SUCLA2: variants seen among roughly 807,000 people sequenced by gnomAD.
SUCLA2 encodes succinate-CoA ligase ADP-forming subunit beta.
A neutral mutation model predicts 54.8 loss-of-function variants in SUCLA2; 30 were observed. That is an observed-to-expected ratio of 0.55 (90% CI 0.41 to 0.74). The LOEUF (loss-of-function observed/expected upper bound fraction) is 0.74. SUCLA2 is among the 30% of genes least tolerant of loss of function. The pLI, the probability that SUCLA2 is intolerant of heterozygous loss-of-function variation, is 0.00. For missense variants in SUCLA2, 476 were observed against 562.9 expected (o/e 0.85, Z 1.56); for synonymous variants, 172 against 188.9 (o/e 0.91, Z 0.74).
At chr13:47,997,617 T>A (rs947889992) in intron 1 of SUCLA2, among the ~76,000 whole-genome samples, 9 of 152,208 alleles carry the variant, frequency 5.9e-5, no homozygotes, top group Admixed American at 1.3e-4. Flanking sequence ...GTCCTCTTAC[T>A]GGAGCCTACT....
chr13:47,965,560 T>A (rs1593486795), intron 6 of SUCLA2: 1 of 382,872 alleles, frequency 2.6e-6, no homozygotes, highest in Non-Finnish European at 4.5e-6. Flanking sequence ...AAAAATAAGG[T>A]CAAGAAATAA....
intron 4 of SUCLA2, among the ~76,000 whole-genome samples, chr13:47,985,850 G>A (rs1021138083): frequency 3.9e-5 from 6 of 151,966 alleles, no homozygotes; most frequent in Non-Finnish European, 8.8e-5. Flanking sequence ...TTACACTCCC[G>A]TCAACACTGT....
intron 9 of SUCLA2, 37 bp downstream of exon 9, chr13:47,949,446 G>T (rs1949759563): frequency 6.2e-7 from 1 of 1,611,718 alleles, no homozygotes. Context: ...AACTTTTAAA[G>T]AATTAGGAAC....
intron 6 of SUCLA2, among the ~76,000 whole-genome samples, chr13:47,958,014 T>A (rs755733820): frequency 2.0e-5 from 3 of 152,100 alleles, no homozygotes; most frequent in Non-Finnish European, 2.9e-5. Context: ...TTGGTCCCAG[T>A]GTTGTTTGGA....
At chr13:47,945,379 C>G (rs1034253483) in intron 10 of SUCLA2, among the ~76,000 whole-genome samples, 4 of 136,066 alleles carry the variant, frequency 2.9e-5, no homozygotes, top group Non-Finnish European at 6.1e-5. Flanking sequence ...GCTGAGATCA[C>G]GCCACTGTAC....
intron 2 of SUCLA2, among the ~76,000 whole-genome samples, chr13:47,989,235 G>GA (rs1475651769): frequency 7.3e-6 from 1 of 136,934 alleles, no homozygotes; most frequent in East Asian, 2.1e-4. Context: ...TTTTGAAACA[G>GA]AGTCTCGCTC....
chr13:47,982,105 C>T (rs1593496575), intron 4 of SUCLA2, among the ~76,000 whole-genome samples: 1 of 152,128 alleles, frequency 6.6e-6, no homozygotes, highest in South Asian at 2.1e-4. Flanking sequence ...AGGTATACAT[C>T]CAAAAGAAAT....
At position 47,954,456 on chromosome 13, in the gene SUCLA2, T is replaced by G. The variant is rs763345347; in HGVS notation, c.904A>C (p.Lys302Gln). 6.2e-7 allele frequency: 1 copy of G among 1,614,054 alleles called. No individual in the cohort carries two copies. Among genetic ancestry groups the G allele is most frequent in the Non-Finnish European group, 8.5e-7 (1 of 1,179,916 alleles). ...QDWTQEDERD[K>Q]DAAKANLNYI... ...TTGAGATTTGCCTTAGCAGCATCTT[T>G]GTCCCTTTCATCTTCCTGGGTCCAG... The change falls in exon 7 of 11, where the codon AAA (lysine) becomes CAA (glutamine). Residue 302 changes from lysine (K) to glutamine (Q), a missense_variant. By Grantham distance (53) the Lys-to-Gln change is moderately conservative. This residue lies in a region of SUCLA2 where 342 missense variants were observed against 444.2 expected (regional missense o/e 0.77). Transcript: ENST00000646932.
intron 8 of SUCLA2, among the ~76,000 whole-genome samples, 165 bp downstream of exon 8, chr13:47,953,974 GT>G (rs1949796795): frequency 6.6e-6 from 1 of 151,588 alleles, no homozygotes; most frequent in South Asian, 2.1e-4. Flanking sequence ...GAGTCTCTTG[GT>G]GAATTGCAAA....
intron 4 of SUCLA2, among the ~76,000 whole-genome samples, chr13:47,979,122 C>A (rs1234319277): frequency 6.6e-6 from 1 of 152,156 alleles, no homozygotes; most frequent in Non-Finnish European, 1.5e-5. Flanking sequence ...CCTCAAGGAT[C>A]TAGAACCAGA....
In SUCLA2 at chr13:47,945,249, TAAAAAAAAAAA is replaced by T. The variant is rs35349385; in HGVS notation, c.1318-1815_1318-1805del. Among the ~76,000 whole-genome samples, 11 of 85,192 alleles carry T rather than the reference TAAAAAAAAAAA, an allele frequency of 1.3e-4. No individual in the cohort carries two copies. The South Asian group carries it at 3.9e-3, about 30-fold the overall frequency. The allele number at this position is 85,192 out of a possible 152,430, so 55.9% of individuals were successfully genotyped here. A position where few individuals can be genotyped will look rare whatever the true frequency, so the allele number is the denominator to read the frequency against. On this transcript the variant is annotated intron_variant, in intron 10 of 10. Transcript: ENST00000646932. ...GGGCAACAAGACCAAAACTCTGTCT[TAAAAAAAAAAA>T]AAAAAAAAAAAAATTAGCTGGGCGT...
intron 4 of SUCLA2, among the ~76,000 whole-genome samples, chr13:47,984,189 T>A (rs890646789): frequency 6.6e-6 from 1 of 152,008 alleles, no homozygotes; most frequent in Non-Finnish European, 1.5e-5. Context: ...TAATTCTACT[T>A]TTCACTTTTT....
At chr13:47,994,891 C>G in intron 2 of SUCLA2, 1 of 983,304 alleles carries the variant, frequency 1.0e-6, no homozygotes, top group Non-Finnish European at 1.2e-6. Context: ...TTTCTTTCTT[C>G]TGTACCTAAG....
chr13:47,957,886 T>C (rs1378741850), intron 6 of SUCLA2, among the ~76,000 whole-genome samples: 1 of 152,174 alleles, frequency 6.6e-6, no homozygotes, highest in African/African-American at 2.4e-5. Flanking sequence ...GTGTGTCAGT[T>C]TGGACACTTT....
In SUCLA2 at chr13:47,993,400, C is replaced by T. The variant is rs562881456; in HGVS notation, c.271+3443G>A. On this transcript the variant is annotated intron_variant, in intron 2 of 10. Transcript: ENST00000646932. ...TAATCTATTCCAGAAACTTCATGAT[C>T]TTCAAGCTCACCAACCTTCATTTTG... Among the ~76,000 whole-genome samples, 13 of 152,316 alleles carry T rather than the reference C, an allele frequency of 8.5e-5. No homozygotes were observed. In the South Asian group the frequency reaches 2.7e-3, roughly 32 times the overall value.
intron 6 of SUCLA2, among the ~76,000 whole-genome samples, chr13:47,963,661 A>C (rs903946417): frequency 7.9e-5 from 12 of 152,034 alleles, no homozygotes; most frequent in Non-Finnish European, 1.2e-4. Flanking sequence ...AACAAACAAA[A>C]AAAAAAACAG....
At chr13:47,955,807 C>A (rs556961238) in intron 6 of SUCLA2, among the ~76,000 whole-genome samples, 1 of 152,092 alleles carries the variant, frequency 6.6e-6, no homozygotes. Context: ...GTACCCTACC[C>A]CTTCCTCACT....
At chr13:47,999,799 C>T (rs1230385313) in intron 1 of SUCLA2, among the ~76,000 whole-genome samples, 1 of 152,016 alleles carries the variant, frequency 6.6e-6, no homozygotes, top group Admixed American at 6.5e-5. Flanking sequence ...TCTATGTCCT[C>T]ATCTACAAAA....
intron 2 of SUCLA2, among the ~76,000 whole-genome samples, chr13:47,992,598 T>G (rs368641502): frequency 6.6e-6 from 1 of 152,196 alleles, no homozygotes; most frequent in East Asian, 1.9e-4. Flanking sequence ...CCTGCCCTCA[T>G]AGAACCTGCA....
Sources: gnomAD v4.1 joint callset for allele counts (sites outside exome capture counted in the v4.1 genomes callset) on GRCh38, gnomAD v4.1.1 for gene constraint, gnomAD v4.1.1 regional missense constraint, MANE v1.5 for transcripts, NCBI Gene and HGNC (gene_info 2026-07-23, HGNC 2026-07-21) for gene names.